The following DPP6 variants were observed in gnomAD, a reference collection of about 807,000 sequenced individuals.
DPP6 encodes the protein A-type potassium channel modulatory protein DPP6.
Under a neutral mutation model 122.6 loss-of-function variants are expected in DPP6, and 69 were observed. The ratio of observed to expected loss-of-function variants is 0.56; its 90% confidence interval spans 0.46 to 0.69. The LOEUF (loss-of-function observed/expected upper bound fraction) is 0.69. Ranked by LOEUF, DPP6 falls within the 30% of genes least tolerant of loss-of-function variation. DPP6 has a pLI of 0.00. For missense variants in DPP6, 928 were observed against 1,116.9 expected (o/e 0.83, Z 2.41); for synonymous variants, 418 against 433.1 (o/e 0.97, Z 0.43).
At chr7:154,739,222 G>T (rs1248198740) in intron 8 of DPP6, among the ~76,000 whole-genome samples, 1 of 152,216 alleles carries the variant, frequency 6.6e-6, no homozygotes, top group Non-Finnish European at 1.5e-5. Context: ...TCCAGAAGAG[G>T]GGGAGGCCAG....
chr7:154,351,829 T>C (rs1810882621), intron 1 of DPP6, among the ~76,000 whole-genome samples: 1 of 152,180 alleles, frequency 6.6e-6, no homozygotes, highest in Non-Finnish European at 1.5e-5. Flanking sequence ...TTGCTCCAGC[T>C]GAGCACCGGC....
At chr7:154,822,267 C>G (rs1799843726) in intron 16 of DPP6, among the ~76,000 whole-genome samples, 1 of 152,194 alleles carries the variant, frequency 6.6e-6, no homozygotes, top group Non-Finnish European at 1.5e-5. Flanking sequence ...AGTGTCTAAA[C>G]AGCAGAAATT....
At chr7:154,853,912 T>G in intron 17 of DPP6, 85 bp downstream of exon 17, 1 of 1,565,806 alleles carries the variant, frequency 6.4e-7, no homozygotes, top group Non-Finnish European at 8.7e-7. Context: ...TGGCCCACAT[T>G]CTCCTACTCA....
chr7:154,801,128 G>A (rs547957351), intron 12 of DPP6, among the ~76,000 whole-genome samples: 6 of 152,086 alleles, frequency 3.9e-5, no homozygotes, highest in South Asian at 4.2e-4. Context: ...TGCCACTGCC[G>A]GGGCTGTAGC....
chr7:153,961,399 G>T (rs1795345526), intron 1 of DPP6, among the ~76,000 whole-genome samples: 1 of 151,282 alleles, frequency 6.6e-6, no homozygotes, highest in East Asian at 2.0e-4. Flanking sequence ...GTGGGCAGAG[G>T]CACAGATCGT....
rs201158540 is a variant in DPP6, at chr7:154,190,721, A to AT, written c.243+137666dup. 4.8e-3 allele frequency among the ~76,000 whole-genome samples: 732 copies of AT among 151,656 alleles called. 5 individuals carry two copies. Among genetic ancestry groups the AT allele is most frequent in the African/African-American group, 0.016 (666 of 41,336 alleles). On this transcript the variant is annotated intron_variant, in intron 1 of 25. Transcript: ENST00000377770. The stretch of plus-strand genomic sequence containing the variant: ...GAGAGAACTAGGATAAATAGAGTCC[A>AT]TTTTTTTTCCAAAAGCCTGAAAAGC...
chr7:154,472,389 T>C (rs527780492), intron 2 of DPP6, among the ~76,000 whole-genome samples: 4 of 152,330 alleles, frequency 2.6e-5, no homozygotes, highest in Admixed American at 2.0e-4. Flanking sequence ...TGAGCCTTCC[T>C]AGCTTGAATG....
At chr7:153,766,807 A>T in the DPP6 span, among the ~76,000 whole-genome samples, 8 of 152,144 alleles carry the variant, frequency 5.3e-5, no homozygotes, top group South Asian at 2.1e-4. Flanking sequence ...AAAGTTTTTT[A>T]AAAAAACAAG....
At chr7:154,010,115 T>C (rs1419451538) in intron 1 of DPP6, among the ~76,000 whole-genome samples, 1 of 152,164 alleles carries the variant, frequency 6.6e-6, no homozygotes, top group Non-Finnish European at 1.5e-5. Context: ...CTGACTTGCC[T>C]CTGAGGAGGC....
intron 1 of DPP6, among the ~76,000 whole-genome samples, chr7:153,987,156 T>C (rs1796887125): frequency 6.6e-6 from 1 of 152,240 alleles, no homozygotes; most frequent in South Asian, 2.1e-4. Context: ...CTGAGTTTTA[T>C]GGCATCACCC....
chr7:153,885,507 C>T (rs905526806), upstream of DPP6, among the ~76,000 whole-genome samples: 1 of 152,090 alleles, frequency 6.6e-6, no homozygotes, highest in South Asian at 2.1e-4. Context: ...ACTGAGAAGG[C>T]GCCATCTGTG....
chr7:154,792,945 C>T (rs1380389812), intron 10 of DPP6, among the ~76,000 whole-genome samples: 2 of 152,182 alleles, frequency 1.3e-5, no homozygotes, highest in Non-Finnish European at 2.9e-5. Flanking sequence ...CCACATGGTC[C>T]TGATTTAGGT....
At chr7:153,939,058 C>T (rs994343363) in intron 1 of DPP6, among the ~76,000 whole-genome samples, 10 of 152,082 alleles carry the variant, frequency 6.6e-5, no homozygotes, top group Admixed American at 2.0e-4. Flanking sequence ...TCTGGGTGTT[C>T]ACTGCAATTT....
chr7:154,391,446 T>G (rs1814607505), intron 1 of DPP6, among the ~76,000 whole-genome samples: 2 of 152,206 alleles, frequency 1.3e-5, no homozygotes, highest in South Asian at 4.1e-4. Context: ...TCCTCATCAT[T>G]GGTAGGCACA....
At chr7:154,062,984 T>C (rs1194672002) in intron 1 of DPP6, among the ~76,000 whole-genome samples, 1 of 123,196 alleles carries the variant, frequency 8.1e-6, no homozygotes, top group African/African-American at 3.1e-5. Flanking sequence ...TACGTGGAAT[T>C]ACTGAGAGCC....
intron 1 of DPP6, among the ~76,000 whole-genome samples, chr7:154,407,189 C>G (rs1338260983): frequency 6.6e-6 from 1 of 152,216 alleles, no homozygotes. Flanking sequence ...CCTCTTCCAA[C>G]TAGAATTCCT....
At chr7:153,867,233 C>G in the DPP6 span, among the ~76,000 whole-genome samples, 6 of 152,238 alleles carry the variant, frequency 3.9e-5, no homozygotes, top group African/African-American at 1.4e-4. Context: ...CTATAAATTA[C>G]CTTGGGCAGT....
chr7:154,695,294 A>G (rs1288417448), intron 7 of DPP6, among the ~76,000 whole-genome samples: 2 of 152,174 alleles, frequency 1.3e-5, no homozygotes, highest in Admixed American at 6.5e-5. Context: ...TAGGTCAGCA[A>G]CCAAAAACTC....
chr7:154,594,240 C>G (rs763315345), intron 5 of DPP6, among the ~76,000 whole-genome samples: 4 of 152,182 alleles, frequency 2.6e-5, no homozygotes, highest in Non-Finnish European at 5.9e-5. Flanking sequence ...TAAAAACACA[C>G]CACCAGAAGT....
Sources: allele counts gnomAD v4.1 joint callset (sites outside exome capture counted in the v4.1 genomes callset), GRCh38; gene constraint gnomAD v4.1.1; transcripts MANE v1.5; gene names NCBI Gene and HGNC (gene_info 2026-07-23, HGNC 2026-07-21).